Variants in PZP observed in about 807,000 individuals in gnomAD.
The protein encoded by PZP is pregnancy zone protein.
Under a neutral mutation model 179.8 loss-of-function variants are expected in PZP, and 150 were observed. That is an observed-to-expected ratio of 0.83 (90% confidence interval 0.73 to 0.96). The LOEUF (loss-of-function observed/expected upper bound fraction) is 0.96, where lower values mean the gene tolerates loss of function less well. PZP is among the 40% of genes least tolerant of loss of function. The pLI is 0.00. For synonymous variants in PZP, 624 were observed against 652.3 expected, an observed-to-expected ratio of 0.96 and a Z score of 0.66; for missense variants, 1,689 against 1,764.0, an observed-to-expected ratio of 0.96 and a Z score of 0.76.
In PZP at chr12:9,152,256, T is replaced by C; in HGVS notation, c.4176A>G (p.Val1392=). The C allele has an allele frequency of 6.2e-7, 1 of 1,612,994 alleles. No homozygotes were observed. The highest frequency in any genetic ancestry group is 8.5e-7 in the Non-Finnish European group (1 of 1,178,998). ...SNMVIVDVKM[V]SGFIPLKPTV... ...TTGGTTTCAGGGGAATAAAACCAGA[T>C]ACCATCTTTACATCAACAATCACCA... Residue 1392 remains valine, a synonymous_variant, in exon 32 of 36, where the codon GTA becomes GTG. Transcript: ENST00000261336.
At chr12:9,177,887 A>G (rs905367305) in intron 15 of PZP, among the ~76,000 whole-genome samples, 1 of 152,226 alleles carries the variant, frequency 6.6e-6, no homozygotes, top group Non-Finnish European at 1.5e-5. Context: ...TGAAATTAAT[A>G]GCTTAGACTA....
chr12:9,169,344 A>C, intron 16 of PZP, 86 bp downstream of exon 16: 1 of 1,281,508 alleles, frequency 7.8e-7, no homozygotes, highest in Non-Finnish European at 1.1e-6. Flanking sequence ...AGGCTACATA[A>C]TTACTAAGAT....
At chr12:9,179,446 C>G (rs774480211) in intron 15 of PZP, among the ~76,000 whole-genome samples, 50 of 152,114 alleles carry the variant, frequency 3.3e-4, no homozygotes, top group African/African-American at 1.2e-3. Context: ...AAGTGTCACC[C>G]CCATGAATTA....
rs1474253958 is a variant in PZP at position 9,202,657 on chromosome 12, C to T, written c.295G>A (p.Val99Met). The change falls in exon 3 of 36, where the codon GTG becomes ATG. Residue 99 changes from valine (V) to methionine (M), a missense_variant. Val to Met is a conservative substitution (Grantham distance 21). Coordinates refer to ENST00000261336, the MANE Select transcript of PZP (RefSeq NM_002864.3). ...TTTATCTGGATGCTAAGGAATGCCACCTCTGAAGAGGCTGAGATCCTTGGG... is the reference window on the plus strand; with the variant it reads ...TTTATCTGGATGCTAAGGAATGCCATCTCTGAAGAGGCTGAGATCCTTGGG... ...TLPRISASSE[V>M]AFLSIQIKGP... 2.5e-6 allele frequency: 4 copies of T among 1,614,100 alleles called. No individual in the cohort carries two copies. The highest frequency in any genetic ancestry group is 1.3e-5 in the African/African-American group (1 of 75,028).
chr12:9,151,712 A>G (rs947302152), intron 32 of PZP, 40 bp from the exon 33 acceptor site: 9 of 1,521,614 alleles, frequency 5.9e-6, no homozygotes, highest in Non-Finnish European at 8.2e-6. Flanking sequence ...GTTAGAGAAC[A>G]GATGTGAGAA....
intron 15 of PZP, among the ~76,000 whole-genome samples, chr12:9,173,010 T>A (rs1345690159): frequency 1.3e-5 from 2 of 152,198 alleles, no homozygotes; most frequent in African/African-American, 2.4e-5. Flanking sequence ...CCACCAAAAT[T>A]CAACAGAATA....
At chr12:9,154,898 G>A in intron 28 of PZP, 59 bp from the exon 29 acceptor site, 5 of 1,470,042 alleles carry the variant, frequency 3.4e-6, no homozygotes, top group Non-Finnish European at 3.7e-6. Context: ...ATAACTGGTA[G>A]ATAAGAGAAT....
rs185516340 is a variant in PZP at position 9,157,654 on chromosome 12, A to G, written c.3369+113T>C. On this transcript the variant is annotated intron_variant, in intron 27 of 35. Transcript: ENST00000261336. ...ACCAAAGAGCTTATCAGTCTGAGAA[A>G]TCCCTCATCATTGAACCAAAAGATA... 78 of 941,754 alleles carry G rather than the reference A, an allele frequency of 8.3e-5. No individual in the cohort carries two copies. The African/African-American group carries it at 1.2e-3, about 15-fold the overall frequency. The allele number at this position is 941,754 out of a possible 1,614,324, so 58.3% of individuals were successfully genotyped here.
At chr12:9,171,062 A>G (rs902375151) in intron 15 of PZP, among the ~76,000 whole-genome samples, 6 of 152,276 alleles carry the variant, frequency 3.9e-5, no homozygotes, top group Admixed American at 2.0e-4. Flanking sequence ...AGACCTCCCA[A>G]TGAGGGTCTC....
intron 15 of PZP, among the ~76,000 whole-genome samples, chr12:9,171,360 C>T (rs192917064): frequency 7.2e-4 from 110 of 152,260 alleles, no homozygotes; most frequent in Admixed American, 1.3e-3. Context: ...CAAAGGGCAG[C>T]AGCCTCAAGG....
intron 7 of PZP, among the ~76,000 whole-genome samples, chr12:9,199,523 A>G (rs188480653): frequency 6.6e-6 from 1 of 152,212 alleles, no homozygotes. Flanking sequence ...AAAACATTCA[A>G]TGTATCCTCT....
At chr12:9,185,731 T>C (rs1419643634) in intron 13 of PZP, among the ~76,000 whole-genome samples, 4 of 151,588 alleles carry the variant, frequency 2.6e-5, no homozygotes, top group Non-Finnish European at 4.4e-5. Flanking sequence ...ATCAGACTAA[T>C]GGTGGGCCTC....
intron 28 of PZP, among the ~76,000 whole-genome samples, chr12:9,155,092 T>C (rs1940647772): frequency 6.6e-6 from 1 of 152,212 alleles, no homozygotes; most frequent in South Asian, 2.1e-4. Context: ...TCCAATGTTA[T>C]TTTAGTTGGA....
intron 11 of PZP, among the ~76,000 whole-genome samples, chr12:9,193,659 C>G (rs1354276583): frequency 1.3e-5 from 2 of 152,122 alleles, no homozygotes; most frequent in African/African-American, 2.4e-5. Flanking sequence ...AGATAACAAG[C>G]ATGAAAACTT....
chr12:9,185,670 A>T (rs1218801511), intron 13 of PZP, among the ~76,000 whole-genome samples: 1 of 130,116 alleles, frequency 7.7e-6, no homozygotes, highest in Non-Finnish European at 1.7e-5. Context: ...AAAAAAAAAA[A>T]TGTTAAAGGT....
chr12:9,165,829 A>G (rs968461071), intron 18 of PZP, among the ~76,000 whole-genome samples: 3 of 152,204 alleles, frequency 2.0e-5, no homozygotes, highest in Non-Finnish European at 4.4e-5. Flanking sequence ...TCTCATGTCT[A>G]CTATTTGACA....
rs141510017 is a variant in PZP, at chr12:9,171,810, T to A, written c.1840-2219A>T. ...ATAGAGAAGAAAGAATGAAAAGAAA[T>A]GAACAAAACCTCTGAGAAATATGGG... is the stretch of plus-strand genomic sequence containing the variant. On this transcript the variant is annotated intron_variant, in intron 15 of 35. Coordinates refer to ENST00000261336, the MANE Select transcript of PZP (RefSeq NM_002864.3). Among the ~76,000 whole-genome samples, 296 of 152,034 alleles carry A rather than the reference T, an allele frequency of 1.9e-3. 2 individuals are homozygous for A. The highest frequency in any genetic ancestry group is 6.9e-3 in the African/African-American group (284 of 41,458).
Position 9,160,378 on chromosome 12 carries a change from ATAG to A in PZP, c.2982_2984del (p.Tyr995del). ...GCGTCAGCTGCTGGGTTTCATTCAG[ATAG>A]TTCAAGACATAGATGTTAGGAGCAA... is the stretch of plus-strand genomic sequence containing the variant. On this transcript the variant is annotated inframe_deletion, in exon 24 of 36. Transcript: ENST00000261336. 1 of 1,614,180 alleles carries A rather than the reference ATAG, an allele frequency of 6.2e-7. No homozygotes were observed. Among genetic ancestry groups the A allele is most frequent in the Non-Finnish European group, 8.5e-7 (1 of 1,180,026 alleles).
At chr12:9,142,074 C>T in the PZP span, among the ~76,000 whole-genome samples, 1 of 152,096 alleles carries the variant, frequency 6.6e-6, no homozygotes. Flanking sequence ...TGTAAACATC[C>T]CTCTCTTTAA....
Sources: gnomAD v4.1 joint callset for allele counts (sites outside exome capture counted in the v4.1 genomes callset) on GRCh38, gnomAD v4.1.1 for gene constraint, MANE v1.5 for transcripts, NCBI Gene and HGNC (gene_info 2026-07-23, HGNC 2026-07-21) for gene names.